CYRIA: variants seen among roughly 807,000 people sequenced by gnomAD.
CYRIA encodes CYFIP-related Rac1 interactor A.
Under a neutral mutation model 43.9 loss-of-function variants are expected in CYRIA, and 15 were observed. The ratio of observed to expected loss-of-function variants is 0.34; its 90% CI spans 0.23 to 0.53. The LOEUF is 0.53. Among genes scored for constraint, CYRIA ranks in the 20% least tolerant of loss-of-function variants. The probability of loss-of-function intolerance (pLI) is 0.94; values close to 1 mark genes in which losing one functional copy is unlikely to be tolerated. For synonymous variants in CYRIA, 117 were observed against 136.0 expected (o/e 0.86, Z 0.97); for missense variants, 236 against 394.2 (o/e 0.60, Z 3.40).
At chr2:16,604,178 A>G (rs1294678438) in intron 2 of CYRIA, among the ~76,000 whole-genome samples, 3 of 152,206 alleles carry the variant, frequency 2.0e-5, no homozygotes, top group African/African-American at 7.2e-5. Context: ...GGGTAGAAGA[A>G]AACAGAGTAG....
At chr2:16,562,201 A>T in intron 5 of CYRIA, 60 bp from the exon 6 acceptor site, 1 of 1,546,732 alleles carries the variant, frequency 6.5e-7, no homozygotes, top group South Asian at 1.2e-5. Context: ...CCTTCAAAGA[A>T]CACAATTCCC....
At chr2:16,560,949 G>T in intron 9 of CYRIA, 41 bp downstream of exon 9, 1 of 1,539,960 alleles carries the variant, frequency 6.5e-7, no homozygotes, top group Non-Finnish European at 9.0e-7. Flanking sequence ...ACACTGGCTG[G>T]GTGAAGTCTC....
chr2:16,615,111 C>G (rs377000986), intron 2 of CYRIA, among the ~76,000 whole-genome samples: 7 of 152,318 alleles, frequency 4.6e-5, no homozygotes, highest in Admixed American at 2.6e-4. Context: ...TTTCTAGGCT[C>G]TTACTGCTCT....
chr2:16,600,541 A>G (rs1490574883), intron 2 of CYRIA, among the ~76,000 whole-genome samples: 4 of 152,216 alleles, frequency 2.6e-5, no homozygotes, highest in African/African-American at 9.7e-5. Flanking sequence ...ATTTAGGGAA[A>G]CAGCACTAGT....
At chr2:16,598,839 T>C (rs1668097626) in intron 2 of CYRIA, among the ~76,000 whole-genome samples, 1 of 125,068 alleles carries the variant, frequency 8.0e-6, no homozygotes, top group Non-Finnish European at 1.6e-5. Context: ...TTTTCTGTTC[T>C]GTTTTTTCCC....
chr2:16,611,062 T>C (rs1668582620), intron 2 of CYRIA, among the ~76,000 whole-genome samples: 2 of 151,792 alleles, frequency 1.3e-5, no homozygotes, highest in African/African-American at 4.8e-5. Flanking sequence ...AATACAGCAT[T>C]GAAATCTGGT....
intron 3 of CYRIA, among the ~76,000 whole-genome samples, chr2:16,585,214 T>C (rs931054390): frequency 2.6e-5 from 4 of 152,112 alleles, no homozygotes; most frequent in African/African-American, 9.7e-5. Context: ...GGAAATAGGA[T>C]TTTCAGGATA....
At chr2:16,658,107 T>C (rs1670164023) in intron 1 of CYRIA, among the ~76,000 whole-genome samples, 1 of 152,206 alleles carries the variant, frequency 6.6e-6, no homozygotes, top group African/African-American at 2.4e-5. Context: ...GATCATATAG[T>C]GCATGTACAG....
chr2:16,637,362 T>A (rs982432334), intron 1 of CYRIA, among the ~76,000 whole-genome samples: 5 of 152,150 alleles, frequency 3.3e-5, no homozygotes, highest in African/African-American at 1.2e-4. Context: ...GTCATGAGGA[T>A]GGAGCTTTGT....
In CYRIA at chr2:16,565,824, G is replaced by C. The variant is rs567594665; in HGVS notation, c.71-57C>G. The C allele has an allele frequency of 6.2e-6, 9 of 1,458,210 alleles. No individual in the cohort carries two copies. The South Asian group carries it at 8.5e-5, about 14-fold the overall frequency. The allele number at this position is 1,458,210 out of a possible 1,614,324, so 90.3% of individuals were successfully genotyped here. A position where few individuals can be genotyped will look rare whatever the true frequency, so the allele number is the denominator to read the frequency against. ...CTGGTGTTTACAAATAGCTTGGGAG[G>C]AGGATGGATATTCAGTTTTACCTGC... is the stretch of plus-strand genomic sequence containing the variant. On this transcript the variant is annotated intron_variant, in intron 3 of 11. Transcript: ENST00000381323.
rs1412531777 is a variant in CYRIA, at chr2:16,628,076, C to T, written c.-166-4057G>A. Among the ~76,000 whole-genome samples, 4 of 152,266 alleles carry T rather than the reference C, an allele frequency of 2.6e-5. No homozygotes were observed. The East Asian group carries it at 7.7e-4, about 29-fold the overall frequency. On this transcript the variant is annotated intron_variant, in intron 1 of 11. Coordinates refer to ENST00000381323, the MANE Select transcript of CYRIA (RefSeq NM_030797.4). The stretch of plus-strand genomic sequence containing the variant: ...GCCACTGGGTTTCAGCCTCATGATG[C>T]CTGGGAAGCCAGGAAAGACAGGGGT...
At chr2:16,620,121 G>T (rs556385805) in intron 2 of CYRIA, among the ~76,000 whole-genome samples, 11 of 152,242 alleles carry the variant, frequency 7.2e-5, no homozygotes, top group African/African-American at 2.2e-4. Flanking sequence ...CCCAACACAG[G>T]GTGTGACCAT....
intron 2 of CYRIA, among the ~76,000 whole-genome samples, chr2:16,607,174 C>A (rs958225446): frequency 2.6e-5 from 4 of 152,024 alleles, no homozygotes; most frequent in African/African-American, 7.2e-5. Flanking sequence ...TCATTGCAAA[C>A]AAAACTAACA....
chr2:16,623,626 G>A (rs912401238), intron 2 of CYRIA, among the ~76,000 whole-genome samples: 5 of 152,106 alleles, frequency 3.3e-5, no homozygotes, highest in Non-Finnish European at 4.4e-5. Flanking sequence ...TCTACAGCTC[G>A]ACTCTGTTCT....
rs150446585 is a variant in CYRIA at position 16,583,684 on chromosome 2, C to T, written c.70+4366G>A. ...CTTCCTGTAAACTGAAGCCATCACT[C>T]GTGAAAGATTAGTTTGCTACATTAA... On this transcript the variant is annotated intron_variant, in intron 3 of 11. Transcript: ENST00000381323. Among the ~76,000 whole-genome samples, 15 of 152,212 alleles carry T rather than the reference C, an allele frequency of 9.9e-5. No homozygotes were observed. The East Asian group carries it at 2.3e-3, about 24-fold the overall frequency.
Position 16,553,565 on chromosome 2 carries a change from C to T in CYRIA, c.909-566G>A, listed in dbSNP as rs374002813. ...AATAAAACTTTGGCCAGGTCATGGG[C>T]GCTCCATGTTAAGTTTCGTGTTACA... On this transcript the variant is annotated intron_variant, in intron 11 of 11. Coordinates refer to ENST00000381323, the MANE Select transcript of CYRIA (RefSeq NM_030797.4). Among the ~76,000 whole-genome samples the T allele has an allele frequency of 1.6e-4, 24 of 152,176 alleles. 1 individual carries two copies. Among genetic ancestry groups the T allele is most frequent in the Admixed American group, 1.2e-3 (18 of 15,284 alleles).
intron 10 of CYRIA, 120 bp from the exon 11 acceptor site, chr2:16,555,259 G>T: frequency 1.1e-6 from 1 of 947,120 alleles, no homozygotes; most frequent in Non-Finnish European, 1.6e-6. Context: ...ATCCAACGCA[G>T]AAATGACCAA....
At chr2:16,637,840 A>G (rs932892012) in intron 1 of CYRIA, among the ~76,000 whole-genome samples, 3 of 152,218 alleles carry the variant, frequency 2.0e-5, no homozygotes, top group Non-Finnish European at 4.4e-5. Flanking sequence ...AAAGGTCCAG[A>G]GTGCTCAGGT....
At chr2:16,646,333 G>T (rs1270408332) in intron 1 of CYRIA, among the ~76,000 whole-genome samples, 2 of 152,216 alleles carry the variant, frequency 1.3e-5, no homozygotes, top group Non-Finnish European at 1.5e-5. Context: ...ATGCAGCCAT[G>T]ACATAGCACA....
Sources: allele counts gnomAD v4.1 joint callset (sites outside exome capture counted in the v4.1 genomes callset), GRCh38; gene constraint gnomAD v4.1.1; transcripts MANE v1.5; gene names NCBI Gene and HGNC (gene_info 2026-07-23, HGNC 2026-07-21).